Variants in ELAC2 observed in about 807,000 individuals in gnomAD.
The protein encoded by ELAC2 is zinc phosphodiesterase ELAC protein 2.
A neutral mutation model predicts 105.2 loss-of-function variants in ELAC2; 92 were observed. That is an observed-to-expected ratio of 0.87 (90% confidence interval 0.74 to 1.04). The LOEUF (loss-of-function observed/expected upper bound fraction) is 1.04, where lower values mean the gene tolerates loss of function less well. Among genes scored for constraint, ELAC2 ranks in the 50% least tolerant of loss-of-function variants. The pLI, the probability that ELAC2 is intolerant of heterozygous loss-of-function variation, is 0.00. For missense variants in ELAC2, 1,099 were observed against 1,071.7 expected, an observed-to-expected ratio of 1.03 and a Z score of -0.36; for synonymous variants, 468 against 409.1, an observed-to-expected ratio of 1.14 and a Z score of -1.74.
chr17:13,016,847 A>G lies in ELAC2; in HGVS notation c.367+15T>C, dbSNP rs1377947327. 3.1e-6 allele frequency: 5 copies of G among 1,614,004 alleles called. No homozygotes were observed. The highest frequency in any genetic ancestry group is 4.5e-5 in the East Asian group (2 of 44,884). On this transcript the variant is annotated intron_variant, in intron 3 of 23. Transcript: ENST00000338034. ...ACTTCCCACCAGCCTCTGACACTGCAAAGAATATACTCACCACTTAAGCCC... is the reference window on the plus strand; with the variant it reads ...ACTTCCCACCAGCCTCTGACACTGCGAAGAATATACTCACCACTTAAGCCC...
At chr17:12,999,088 C>CTGA (rs2040624084) in intron 15 of ELAC2, among the ~76,000 whole-genome samples, 1 of 152,226 alleles carries the variant, frequency 6.6e-6, no homozygotes, top group Admixed American at 6.5e-5. Context: ...GGCAACCGCT[C>CTGA]TGAAACAAAG....
chr17:12,997,240 T>C (rs548937022), intron 16 of ELAC2, among the ~76,000 whole-genome samples: 2 of 152,344 alleles, frequency 1.3e-5, no homozygotes, highest in African/African-American at 4.8e-5. Context: ...GACTTGGTTT[T>C]AGGCAGGGCT....
intron 6 of ELAC2, 50 bp downstream of exon 6, chr17:13,013,157 T>C: frequency 6.3e-7 from 1 of 1,599,562 alleles, no homozygotes. Context: ...CATGTTTTCT[T>C]TACTCAGGAC....
rs770383340 is a variant in ELAC2, at chr17:13,002,466, G to C, written c.1193C>G (p.Pro398Arg). ...CTTACAGCGGAAACTGGTGAGCAGG[G>C]GGAAGATGTCCGGGTGGATGAGGTT... ...QLNLIHPDIF[P>R]LLTSFRCKKE... The change falls in exon 13 of 24, where the codon CCC becomes CGC. Residue 398 changes from proline to arginine, a missense_variant. Physicochemically the swap from Pro to Arg is moderately radical, Grantham distance 103 (BLOSUM62 -2). Coordinates refer to ENST00000338034, the MANE Select transcript of ELAC2 (RefSeq NM_018127.7). The C allele has an allele frequency of 1.9e-6, 3 of 1,611,264 alleles. No individual in the cohort carries two copies. Among genetic ancestry groups the C allele is most frequent in the Non-Finnish European group, 2.5e-6 (3 of 1,178,570 alleles).
At chr17:13,002,805 G>T (rs942195976) in intron 12 of ELAC2, 8 of 634,978 alleles carry the variant, frequency 1.3e-5, no homozygotes, top group Non-Finnish European at 1.6e-5. Context: ...AGAGTGAGAG[G>T]AAAAACAAGA....
chr17:13,002,237 G>C (rs370723010), intron 14 of ELAC2, 37 bp downstream of exon 14: 4 of 1,608,704 alleles, frequency 2.5e-6, no homozygotes, highest in Non-Finnish European at 3.4e-6. Context: ...TTCCCAACTC[G>C]ACTGAGACGA....
rs1475518379 is a variant in ELAC2, at chr17:13,017,783, T to C, written c.165A>G (p.Pro55=). The C allele has an allele frequency of 1.9e-6, 3 of 1,609,692 alleles. No homozygotes were observed. Among genetic ancestry groups the C allele is most frequent in the African/African-American group, 1.3e-5 (1 of 74,888 alleles). The part of the protein sequence containing the change: ...KRGPSGCSGG[P]NTVYLQVVAA... The stretch of plus-strand genomic sequence containing the variant: ...CCACCACCTGCAGGTACACGGTGTT[T>C]GGGCCGCCGGAGCACCCCGACGGTC... Residue 55 remains proline, a synonymous_variant, in exon 1 of 24, where the codon CCA becomes CCG. Transcript: ENST00000338034.
intron 21 of ELAC2, 56 bp from the exon 22 acceptor site, chr17:12,994,559 C>T: frequency 6.2e-7 from 1 of 1,607,950 alleles, no homozygotes; most frequent in Non-Finnish European, 8.5e-7. Context: ...GGCACACAGG[C>T]CTCAGTCACG....
At chr17:13,005,162 C>T in intron 10 of ELAC2, 61 bp from the exon 11 acceptor site, 4 of 1,186,612 alleles carry the variant, frequency 3.4e-6, no homozygotes, top group Admixed American at 1.7e-5. Context: ...ACTGAACTGC[C>T]TTCAAGGCAA....
Position 13,017,150 on chromosome 17 carries a change from CAGA to C in ELAC2, c.246-32_246-30del, listed in dbSNP as rs756711911. The C allele has an allele frequency of 2.0e-4, 324 of 1,603,472 alleles. 7 individuals carry two copies. In the South Asian group the frequency reaches 3.3e-3, roughly 17 times the overall value. ...CAAGACAAACATTACACAAGACATTCAGAAGGTTTTATTCTGTAAACTCTCTGA... is the reference window on the plus strand; with the variant it reads ...CAAGACAAACATTACACAAGACATTCAGGTTTTATTCTGTAAACTCTCTGA... On this transcript the variant is annotated intron_variant, in intron 1 of 23. Coordinates refer to ENST00000338034, the MANE Select transcript of ELAC2 (RefSeq NM_018127.7).
intron 5 of ELAC2, 43 bp from the exon 6 acceptor site, chr17:13,013,318 A>G (rs757235850): frequency 1.8e-5 from 29 of 1,606,006 alleles, no homozygotes; most frequent in Non-Finnish European, 2.3e-5. Flanking sequence ...GCATTAGTGA[A>G]GATGTGTGGG....
At position 13,005,097 on chromosome 17, in the gene ELAC2, A is replaced by C; in HGVS notation, c.875T>G (p.Leu292Trp). The change falls in exon 11 of 24, where the codon TTG becomes TGG. Residue 292 changes from leucine to tryptophan, a missense_variant. Leu to Trp is a moderately conservative substitution (Grantham distance 61, BLOSUM62 -2). Transcript: ENST00000338034. ...KSITHEGREI[L>W]AEELCTPPDP... The stretch of plus-strand genomic sequence containing the variant: ...TGGAGGAGTACACAGCTCTTCAGCC[A>C]AAATCTGCAAAACCAAATAAGCCCG... 1 of 1,613,388 alleles carries C rather than the reference A, an allele frequency of 6.2e-7. No homozygotes were observed. Among genetic ancestry groups the C allele is most frequent in the Non-Finnish European group, 8.5e-7 (1 of 1,179,334 alleles).
In ELAC2 at chr17:12,996,810, T is replaced by C. The variant is rs768717616; in HGVS notation, c.1521-125A>G. ...AAATTTCTGTCTCTCCTGCTTTGCTTTGAGGAGCTAATATAAAAGCCAATT... is the reference window on the plus strand; with the variant it reads ...AAATTTCTGTCTCTCCTGCTTTGCTCTGAGGAGCTAATATAAAAGCCAATT... On this transcript the variant is annotated intron_variant, in intron 16 of 23. Coordinates refer to ENST00000338034, the MANE Select transcript of ELAC2 (RefSeq NM_018127.7). The C allele has an allele frequency of 1.4e-4, 179 of 1,314,326 alleles. 1 individual carries two copies. Among genetic ancestry groups the C allele is most frequent in the Admixed American group, 1.2e-3 (62 of 50,694 alleles). 81.4% of individuals were successfully genotyped at this position (1,314,326 alleles called of 1,614,324 possible).
intron 12 of ELAC2, 53 bp downstream of exon 12, chr17:13,003,426 T>C (rs775702403): frequency 7.8e-6 from 12 of 1,529,446 alleles, no homozygotes; most frequent in Non-Finnish European, 9.1e-7. Context: ...GAAAGGGGAA[T>C]CCACCACTGC....
At position 13,012,155 on chromosome 17, in the gene ELAC2, G is replaced by GA. The variant is rs147295606; in HGVS notation, c.560-374dup. Among the ~76,000 whole-genome samples, 1,239 of 152,166 alleles carry GA rather than the reference G, an allele frequency of 8.1e-3. 47 individuals are homozygous for GA. The East Asian group carries it at 0.12, about 15-fold the overall frequency. ...ATTTAGTTAAGGCTCAAGATCAAGG[G>GA]AAAAAAATTCGCTGCTCTAAGAAGC... On this transcript the variant is annotated intron_variant, in intron 6 of 23. Transcript: ENST00000338034.
Position 13,004,975 on chromosome 17 carries a change from A to T in ELAC2, c.983+14T>A, listed in dbSNP as rs758970515. The T allele has an allele frequency of 5.0e-5, 80 of 1,596,520 alleles. No homozygotes were observed. The highest frequency in any genetic ancestry group is 6.7e-5 in the Non-Finnish European group (78 of 1,164,222). Reference sequence around the variant, plus strand: ...TCAGCTCTCACTTCTCCCACCCTAGAGACCCCTCATTACCTCTGAAAGGTG... The same window carrying T: ...TCAGCTCTCACTTCTCCCACCCTAGTGACCCCTCATTACCTCTGAAAGGTG... On this transcript the variant is annotated intron_variant, in intron 11 of 23. Transcript: ENST00000338034.
At position 12,996,595 on chromosome 17, in the gene ELAC2, G is replaced by A; in HGVS notation, c.1611C>T (p.Gly537=). The A allele has an allele frequency of 4.3e-6, 7 of 1,614,068 alleles. No individual in the cohort carries two copies. The highest frequency in any genetic ancestry group is 5.9e-6 in the Non-Finnish European group (7 of 1,180,030). Residue 537 remains glycine, a synonymous_variant, in exon 17 of 24, where the codon GGC becomes GGT. Coordinates refer to ENST00000338034, the MANE Select transcript of ELAC2 (RefSeq NM_018127.7). ...GGGACACAAACACAGCAGCCAGGGT[G>A]CCCAGGACCCTGTCCACCTGGTCTC... The part of the protein sequence containing the change: ...HYGDQVDRVL[G]TLAAVFVSHL...
chr17:13,017,293 G>A, intron 1 of ELAC2, 172 bp from the exon 2 acceptor site: 2 of 733,124 alleles, frequency 2.7e-6, no homozygotes, highest in Admixed American at 5.0e-5. Flanking sequence ...GCCCTCCTTA[G>A]CAGAGGTGGA....
chr17:13,008,022 G>A (rs866890641), intron 8 of ELAC2, among the ~76,000 whole-genome samples: 35 of 152,158 alleles, frequency 2.3e-4, no homozygotes, highest in East Asian at 1.4e-3. Flanking sequence ...CCAACATGGC[G>A]AAACCCTGTG....
Sources: allele counts gnomAD v4.1 joint callset (sites outside exome capture counted in the v4.1 genomes callset), GRCh38; gene constraint gnomAD v4.1.1; transcripts MANE v1.5; gene names NCBI Gene and HGNC (gene_info 2026-07-23, HGNC 2026-07-21).